Variants in ARHGEF37 observed in about 807,000 individuals in gnomAD.
The protein encoded by ARHGEF37 is Rho guanine nucleotide exchange factor (GEF) 37.
ARHGEF37 carries 55 observed loss-of-function variants against 71.1 expected under a neutral mutation model. The ratio of observed to expected loss-of-function variants is 0.77; its 90% CI spans 0.62 to 0.97. The LOEUF (loss-of-function observed/expected upper bound fraction) is 0.97. Ranked by LOEUF, ARHGEF37 falls within the 50% of genes least tolerant of loss-of-function variation. The pLI, the probability that ARHGEF37 is intolerant of heterozygous loss-of-function variation, is 0.00. For missense variants in ARHGEF37, 765 were observed against 836.8 expected, an observed-to-expected ratio of 0.91 and a Z score of 1.06; for synonymous variants, 327 against 350.6, an observed-to-expected ratio of 0.93 and a Z score of 0.75.
chr5:149,587,871 T>C (rs1346716468), intron 1 of ARHGEF37, among the ~76,000 whole-genome samples: 1 of 150,946 alleles, frequency 6.6e-6, no homozygotes, highest in Non-Finnish European at 1.5e-5. Flanking sequence ...TTCTTGTTTC[T>C]GTAGGTCTTC....
At chr5:149,575,879 T>G (rs770054125) in intron 1 of ARHGEF37, among the ~76,000 whole-genome samples, 4 of 141,642 alleles carry the variant, frequency 2.8e-5, no homozygotes, top group Non-Finnish European at 6.2e-5. Flanking sequence ...CCCCCTGCCG[T>G]CCCCCCCCTC....
chr5:149,615,854 T>C (rs1752361524), intron 4 of ARHGEF37, among the ~76,000 whole-genome samples: 1 of 152,154 alleles, frequency 6.6e-6, no homozygotes, highest in Admixed American at 6.5e-5. Flanking sequence ...ATCGCACCAC[T>C]GCACTCCAGC....
intron 1 of ARHGEF37, among the ~76,000 whole-genome samples, chr5:149,562,509 C>T (rs1255027552): frequency 1.3e-5 from 2 of 152,084 alleles, no homozygotes; most frequent in East Asian, 1.9e-4. Context: ...AGTGCAGTGG[C>T]GCGATCTCGG....
At chr5:149,579,808 C>T (rs1763073068), upstream of ARHGEF37, among the ~76,000 whole-genome samples, 1 of 151,672 alleles carries the variant, frequency 6.6e-6, no homozygotes, top group South Asian at 2.1e-4. Context: ...CCTCGAACTC[C>T]TGACCTCAAG....
At chr5:149,618,103 C>A in intron 5 of ARHGEF37, 73 bp from the exon 6 acceptor site, 1 of 1,587,006 alleles carries the variant, frequency 6.3e-7, no homozygotes. Context: ...GGTGCCCAGC[C>A]GGGCATGTCC....
chr5:149,556,925 G>C (rs1762764161), intron 1 of ARHGEF37, among the ~76,000 whole-genome samples: 1 of 152,210 alleles, frequency 6.6e-6, no homozygotes, highest in Non-Finnish European at 1.5e-5. Flanking sequence ...AGTTGGGTCA[G>C]AGTGATAATC....
Position 149,628,733 on chromosome 5 carries a change from A to G in ARHGEF37, c.1661-76A>G, listed in dbSNP as rs1420496235. 7.4e-6 allele frequency: 11 copies of G among 1,489,080 alleles called. No individual in the cohort carries two copies. In the African/African-American group the frequency reaches 1.4e-4, roughly 19 times the overall value. 92.2% of individuals were successfully genotyped at this position (1,489,080 alleles called of 1,614,324 possible). ...GAGAAGCTGTGTTGGAAACATTTAT[A>G]TCCATGGATTTTCTCCCTCATTAAA... On this transcript the variant is annotated intron_variant, in intron 11 of 12. Coordinates refer to ENST00000333677, the MANE Select transcript of ARHGEF37 (RefSeq NM_001001669.3).
rs187550029 is a variant in ARHGEF37, at chr5:149,589,405, G to A, written c.-12+7781G>A. On this transcript the variant is annotated intron_variant, in intron 1 of 12. Coordinates refer to ENST00000333677, the MANE Select transcript of ARHGEF37 (RefSeq NM_001001669.3). The stretch of plus-strand genomic sequence containing the variant: ...TGCAGTGGCATGATCACTGTTCACT[G>A]TAGCCTCAACTTCCAGAGTTCAAGC... Among the ~76,000 whole-genome samples the A allele has an allele frequency of 2.5e-4, 38 of 152,138 alleles. 1 individual carries two copies. In the South Asian group the frequency reaches 5.2e-3, roughly 21 times the overall value.
chr5:149,600,035 A>C (rs1763706206), intron 2 of ARHGEF37, among the ~76,000 whole-genome samples: 1 of 152,148 alleles, frequency 6.6e-6, no homozygotes, highest in Non-Finnish European at 1.5e-5. Context: ...ACTAATACAA[A>C]CCTAGATGAT....
intron 1 of ARHGEF37, among the ~76,000 whole-genome samples, chr5:149,576,231 C>T (rs767904012): frequency 6.6e-6 from 1 of 152,170 alleles, no homozygotes; most frequent in Non-Finnish European, 1.5e-5. Flanking sequence ...AGTGACAAAG[C>T]GAGACTCCGT....
chr5:149,611,875 C>A (rs1055433187), intron 4 of ARHGEF37, among the ~76,000 whole-genome samples: 1 of 152,078 alleles, frequency 6.6e-6, no homozygotes, highest in South Asian at 2.1e-4. Flanking sequence ...ATAAATATAT[C>A]TCTTCTACCT....
intron 10 of ARHGEF37, among the ~76,000 whole-genome samples, chr5:149,626,523 C>T (rs1199310864): frequency 6.6e-6 from 1 of 152,164 alleles, no homozygotes; most frequent in Non-Finnish European, 1.5e-5. Flanking sequence ...TCCTGTATTT[C>T]TACTACACCA....
chr5:149,600,870 C>T (rs1167128234), intron 2 of ARHGEF37, among the ~76,000 whole-genome samples: 1 of 152,146 alleles, frequency 6.6e-6, no homozygotes, highest in Non-Finnish European at 1.5e-5. Flanking sequence ...AACTCCTGAC[C>T]TCATGATCCA....
At chr5:149,559,486 T>G (rs1230626291) in intron 1 of ARHGEF37, among the ~76,000 whole-genome samples, 1 of 152,226 alleles carries the variant, frequency 6.6e-6, no homozygotes, top group Non-Finnish European at 1.5e-5. Context: ...TGGAACAACA[T>G]CTAACCAATC....
chr5:149,599,226 TG>T (rs1190643326), intron 2 of ARHGEF37, among the ~76,000 whole-genome samples: 2 of 152,112 alleles, frequency 1.3e-5, no homozygotes, highest in Non-Finnish European at 2.9e-5. Flanking sequence ...CAGCAGGGGC[TG>T]GGGGAGCCAG....
intron 1 of ARHGEF37, among the ~76,000 whole-genome samples, chr5:149,592,934 T>G (rs1763452971): frequency 6.6e-6 from 1 of 152,144 alleles, no homozygotes. Flanking sequence ...CACACCCAGC[T>G]AATTTTTATA....
chr5:149,624,313 C>G (rs989924129), intron 10 of ARHGEF37, among the ~76,000 whole-genome samples, 173 bp downstream of exon 10: 1 of 152,130 alleles, frequency 6.6e-6, no homozygotes, highest in East Asian at 1.9e-4. Context: ...GGGGGACACA[C>G]CCAGATACAT....
At chr5:149,569,953 T>A (rs1184329231) in intron 1 of ARHGEF37, among the ~76,000 whole-genome samples, 1 of 152,160 alleles carries the variant, frequency 6.6e-6, no homozygotes, top group Non-Finnish European at 1.5e-5. Context: ...CTGCCAAACT[T>A]TTTTTCCAAA....
In ARHGEF37 at chr5:149,632,270, G is replaced by A. The variant is rs1400655529; in HGVS notation, c.*79G>A. Reference sequence around the variant, plus strand: ...TGACCCTGGGGGGAAAAGAAGCAAAGGAAAGGTGGAGGTGGAAGGGAAGAC... The same window carrying A: ...TGACCCTGGGGGGAAAAGAAGCAAAAGAAAGGTGGAGGTGGAAGGGAAGAC... On this transcript the variant is annotated 3_prime_UTR_variant, in exon 13 of 13. Coordinates refer to ENST00000333677, the MANE Select transcript of ARHGEF37 (RefSeq NM_001001669.3). 2 of 1,511,224 alleles carry A rather than the reference G, an allele frequency of 1.3e-6. No individual in the cohort carries two copies. Among genetic ancestry groups the A allele is most frequent in the Non-Finnish European group, 1.8e-6 (2 of 1,110,920 alleles). The allele number at this position is 1,511,224 out of a possible 1,614,324, so 93.6% of individuals were successfully genotyped here.
Sources: gnomAD v4.1 joint callset for allele counts (sites outside exome capture counted in the v4.1 genomes callset) on GRCh38, gnomAD v4.1.1 for gene constraint, MANE v1.5 for transcripts, NCBI Gene and HGNC (gene_info 2026-07-23, HGNC 2026-07-21) for gene names.